OTOGL: variants seen among roughly 807,000 people sequenced by gnomAD.
The protein encoded by OTOGL is otogelin like, also known as otogelin-like protein.
In OTOGL, 285 loss-of-function variants were observed where a neutral mutation model predicts 318.5. The observed-to-expected ratio is 0.89, with a 90% CI of 0.81 to 0.99. The LOEUF (loss-of-function observed/expected upper bound fraction) is 0.99, where lower values mean the gene tolerates loss of function less well. OTOGL is among the 50% of genes least tolerant of loss of function. OTOGL has a pLI of 0.00. For synonymous variants in OTOGL, 987 were observed against 936.5 expected, an observed-to-expected ratio of 1.05 and a Z score of -0.99; for missense variants, 2,899 against 2,845.6, an observed-to-expected ratio of 1.02 and a Z score of -0.43.
chr12:80,118,252 G>A (rs1454006904), intron 1 of OTOGL, among the ~76,000 whole-genome samples: 2 of 152,184 alleles, frequency 1.3e-5, no homozygotes, highest in African/African-American at 2.4e-5. Context: ...ACCATGTTTT[G>A]TGCTCCTAGA....
intron 1 of OTOGL, among the ~76,000 whole-genome samples, chr12:80,186,829 G>T (rs1875328805): frequency 6.6e-6 from 1 of 152,062 alleles, no homozygotes; most frequent in Admixed American, 6.6e-5. Context: ...CCCATGGAGT[G>T]CTGCCCTCTT....
chr12:80,250,298 A>G (rs11114372), intron 11 of OTOGL, among the ~76,000 whole-genome samples: 15,736 of 152,240 alleles, frequency 0.1, 934 homozygotes, highest in Middle Eastern at 0.16. Flanking sequence ...TTTTCTTGAT[A>G]ATAATTTCTT....
chr12:80,221,431 G>T (rs574592575), intron 6 of OTOGL, among the ~76,000 whole-genome samples: 1 of 151,944 alleles, frequency 6.6e-6, no homozygotes, highest in South Asian at 2.1e-4. Context: ...CACCATGCTG[G>T]CTAATTTTTT....
intron 1 of OTOGL, among the ~76,000 whole-genome samples, chr12:80,127,374 C>G (rs895600686): frequency 8.5e-5 from 13 of 152,220 alleles, no homozygotes; most frequent in Admixed American, 7.8e-4. Flanking sequence ...TTGGCCCCCA[C>G]TCTCTTCTGT....
intron 18 of OTOGL, among the ~76,000 whole-genome samples, chr12:80,258,638 C>G (rs1018626905): frequency 6.6e-6 from 1 of 152,078 alleles, no homozygotes; most frequent in African/African-American, 2.4e-5. Flanking sequence ...TGTTATCATG[C>G]TAAAAGCACA....
intron 1 of OTOGL, among the ~76,000 whole-genome samples, chr12:80,101,501 A>G (rs188863715): frequency 6.6e-6 from 1 of 152,338 alleles, no homozygotes; most frequent in East Asian, 1.9e-4. Context: ...CCTATGTTCT[A>G]TCACAACTGC....
intron 29 of OTOGL, among the ~76,000 whole-genome samples, chr12:80,309,629 G>T (rs185227125): frequency 5.3e-4 from 80 of 152,346 alleles, no homozygotes; most frequent in Admixed American, 1.8e-3. Flanking sequence ...ATTTAAGACT[G>T]TATTAGGAAG....
At chr12:80,372,134 T>G (rs1211673956) in intron 57 of OTOGL, 70 bp downstream of exon 57, 8 of 1,108,046 alleles carry the variant, frequency 7.2e-6, no homozygotes, top group African/African-American at 1.6e-5. Context: ...ATTATGGTTT[T>G]TCTCACAAAA....
chr12:80,283,761 C>T (rs769434042), intron 26 of OTOGL, among the ~76,000 whole-genome samples: 1 of 152,068 alleles, frequency 6.6e-6, no homozygotes, highest in Non-Finnish European at 1.5e-5. Context: ...TTTAGAGCAG[C>T]ACTTCTTAAA....
At chr12:80,328,625 A>G in intron 35 of OTOGL, 40 bp from the exon 36 acceptor site, 2 of 1,443,358 alleles carry the variant, frequency 1.4e-6, no homozygotes, top group Middle Eastern at 1.8e-4. Flanking sequence ...TGTATTTCAA[A>G]CTTTTCTTCA....
chr12:80,322,320 G>C (rs1475806366), intron 34 of OTOGL, among the ~76,000 whole-genome samples: 1 of 152,070 alleles, frequency 6.6e-6, no homozygotes, highest in African/African-American at 2.4e-5. Flanking sequence ...CTAGAAATCT[G>C]TGCCCTTAGA....
intron 22 of OTOGL, among the ~76,000 whole-genome samples, chr12:80,268,011 T>G (rs1025700323): frequency 2.6e-4 from 39 of 151,958 alleles, no homozygotes; most frequent in Non-Finnish European, 2.4e-4. Flanking sequence ...AAAAATGTCC[T>G]GCACAGTAGT....
chr12:80,313,828 T>C (rs1205181135), intron 31 of OTOGL, among the ~76,000 whole-genome samples, 196 bp downstream of exon 31: 1 of 152,138 alleles, frequency 6.6e-6, no homozygotes, highest in Non-Finnish European at 1.5e-5. Context: ...TGTGAGATAA[T>C]ATTTTGTTCT....
intron 11 of OTOGL, among the ~76,000 whole-genome samples, chr12:80,244,164 CTT>C (rs1309182433): frequency 2.0e-5 from 3 of 147,736 alleles, no homozygotes; most frequent in African/African-American, 7.7e-5. Flanking sequence ...CCTATTTTTT[CTT>C]TTTTTCTTTT....
At chr12:80,102,726 T>C (rs1189322620) in intron 1 of OTOGL, among the ~76,000 whole-genome samples, 1 of 152,184 alleles carries the variant, frequency 6.6e-6, no homozygotes, top group African/African-American at 2.4e-5. Flanking sequence ...TTTTAAGGTT[T>C]CCTGTTATTT....
chr12:80,239,002 G>A lies in OTOGL; in HGVS notation c.945+24G>A, dbSNP rs569003724. ...AGGTAAATTTGATGTGAGAAATGTGGGCATGTCAGACAGAATACACATATA... is the reference window on the plus strand; with the variant it reads ...AGGTAAATTTGATGTGAGAAATGTGAGCATGTCAGACAGAATACACATATA... On this transcript the variant is annotated intron_variant, in intron 10 of 58. Coordinates refer to ENST00000547103, the MANE Select transcript of OTOGL (RefSeq NM_001378609.3). 11 of 1,587,246 alleles carry A rather than the reference G, an allele frequency of 6.9e-6. No individual in the cohort carries two copies. The Admixed American group carries it at 8.6e-5, about 12-fold the overall frequency.
At chr12:80,314,737 T>G in intron 32 of OTOGL, among the ~76,000 whole-genome samples, 1 of 152,256 alleles carries the variant, frequency 6.6e-6, no homozygotes, top group South Asian at 2.1e-4. Flanking sequence ...TTGACAAATA[T>G]AATTGTATAT....
chr12:80,110,498 C>T (rs924230966), intron 1 of OTOGL, among the ~76,000 whole-genome samples: 16 of 151,748 alleles, frequency 1.1e-4, no homozygotes, highest in Admixed American at 5.9e-4. Flanking sequence ...TGAGAACATG[C>T]GGTTTTTGGT....
rs1436588015 is a variant in OTOGL at position 80,313,608 on chromosome 12, C to A, written c.3583C>A (p.His1195Asn). ...YKCCQEGISI[H>N]WRSSTVCSLD... ...GTGTTGTCAGGAAGGAATATCAATT[C>A]ATTGGAGATCATCTACTGTTTGTTG... is the stretch of plus-strand genomic sequence containing the variant. The change falls in exon 31 of 59, where the codon CAT becomes AAT. Residue 1195 changes from histidine (H) to asparagine (N), a missense_variant. Physicochemically the swap from His to Asn is moderately conservative, Grantham distance 68. Transcript: ENST00000547103. 6.2e-7 allele frequency: 1 copy of A among 1,612,128 alleles called. No individual in the cohort carries two copies. Among genetic ancestry groups the A allele is most frequent in the South Asian group, 1.1e-5 (1 of 90,940 alleles).
Sources: allele counts gnomAD v4.1 joint callset (sites outside exome capture counted in the v4.1 genomes callset), GRCh38; gene constraint gnomAD v4.1.1; transcripts MANE v1.5; gene names NCBI Gene and HGNC (gene_info 2026-07-23, HGNC 2026-07-21).